The following GARIN6 variants were observed in gnomAD, a reference collection of about 807,000 sequenced individuals.
The protein encoded by GARIN6 is Golgi-associated RAB2 interactor protein 6.
the GARIN6 span, chr12:99,648,666 T>C: frequency 6.2e-7 from 1 of 1,614,190 alleles, no homozygotes; most frequent in South Asian, 1.1e-5. Flanking sequence ...ACCTTTTTGT[T>C]CACTGGGAAA....
At chr12:99,648,822 A>T in the GARIN6 span, 2 of 1,584,078 alleles carry the variant, frequency 1.3e-6, no homozygotes, top group East Asian at 2.3e-5. Flanking sequence ...TGGGGCCTGG[A>T]TGCTTTGGGG....
the GARIN6 span, chr12:99,648,394 G>A: frequency 7.4e-4 from 1,195 of 1,614,118 alleles, 8 homozygotes; most frequent in African/African-American, 5.1e-3. Context: ...AATGGGCATC[G>A]TTCGCACCAG....
chr12:99,648,611 G>A, the GARIN6 span: 20 of 1,614,048 alleles, frequency 1.2e-5, no homozygotes, highest in South Asian at 8.8e-5. Context: ...GCCACGGGCC[G>A]CTCTTTTTAT....
At chr12:99,648,288 T>C in the GARIN6 span, 13 of 1,614,066 alleles carry the variant, frequency 8.1e-6, no homozygotes, top group African/African-American at 2.7e-5. Context: ...GCGAGTATAC[T>C]ATATTCAGGT....
the GARIN6 span, chr12:99,648,404 G>GC: frequency 2.0e-4 from 326 of 1,614,186 alleles, 1 homozygote; most frequent in South Asian, 1.6e-3. Context: ...GTTCGCACCA[G>GC]CCCCTGCCTC....
the GARIN6 span, chr12:99,648,120 A>G: frequency 6.4e-7 from 1 of 1,565,016 alleles, no homozygotes; most frequent in East Asian, 2.3e-5. Flanking sequence ...CCGCTAAAGC[A>G]TGTTAAGGAA....
chr12:99,649,366 T>C, the GARIN6 span: 1 of 1,614,008 alleles, frequency 6.2e-7, no homozygotes, highest in South Asian at 1.1e-5. Context: ...AATGTTTGGG[T>C]CCACCTATTG....
the GARIN6 span, chr12:99,649,383 T>C: frequency 2.4e-5 from 38 of 1,611,600 alleles, no homozygotes; most frequent in Admixed American, 5.0e-5. Flanking sequence ...ATTGTGATTA[T>C]ACAATAGAGA....
At chr12:99,648,835 G>T in the GARIN6 span, 2 of 1,562,466 alleles carry the variant, frequency 1.3e-6, no homozygotes, top group South Asian at 2.4e-5. Flanking sequence ...CTTTGGGGGA[G>T]AGCAGGTACA....
chr12:99,648,722 C>G, the GARIN6 span: 1 of 1,613,934 alleles, frequency 6.2e-7, no homozygotes, highest in Non-Finnish European at 8.5e-7. Context: ...TACAGTGATA[C>G]CAGGGCTATC....
the GARIN6 span, chr12:99,648,782 G>GC: frequency 1.2e-6 from 2 of 1,609,724 alleles, no homozygotes; most frequent in Non-Finnish European, 1.7e-6. Context: ...GTGCAGAGGA[G>GC]CCCAGTGGTG....
the GARIN6 span, chr12:99,647,832 G>A: frequency 7.5e-5 from 21 of 280,822 alleles, no homozygotes; most frequent in South Asian, 1.4e-3. Context: ...AAAGGCTGTT[G>A]TGAAGTGGAA....
chr12:99,648,923 T>A, the GARIN6 span: 2 of 1,251,810 alleles, frequency 1.6e-6, no homozygotes, highest in Non-Finnish European at 2.2e-6. Flanking sequence ...CAAATGAGCT[T>A]CCATTTGGAG....
At chr12:99,648,357 C>A in the GARIN6 span, 16 of 1,614,072 alleles carry the variant, frequency 9.9e-6, no homozygotes, top group African/African-American at 1.3e-5. Flanking sequence ...AAGTGATTGA[C>A]GTGCACAACC....
At chr12:99,648,830 G>T in the GARIN6 span, 153 of 1,569,026 alleles carry the variant, frequency 9.8e-5, 1 homozygote, top group Admixed American at 1.5e-3. Context: ...GGATGCTTTG[G>T]GGGAGAGCAG....
chr12:99,649,369 A>G, the GARIN6 span: 1 of 1,614,128 alleles, frequency 6.2e-7, no homozygotes, highest in South Asian at 1.1e-5. Context: ...GTTTGGGTCC[A>G]CCTATTGTGA....
At chr12:99,649,634 A>G in the GARIN6 span, 1 of 468,776 alleles carries the variant, frequency 2.1e-6, no homozygotes, top group Admixed American at 3.7e-5. Context: ...CATGGCTATT[A>G]GTGGGTGCTT....
At chr12:99,649,311 A>C in the GARIN6 span, 2 of 1,614,152 alleles carry the variant, frequency 1.2e-6, no homozygotes, top group Admixed American at 1.7e-5. Context: ...AGTTTTGTGA[A>C]GAGAAGGAGC....
chr12:99,648,562 A>G, the GARIN6 span: 302 of 1,614,126 alleles, frequency 1.9e-4, 3 homozygotes, highest in South Asian at 3.1e-3. Flanking sequence ...GAAAATAACC[A>G]TCCACAACAG....
Sources: gnomAD v4.1 joint callset for allele counts on GRCh38, gnomAD v4.1.1 for gene constraint, MANE v1.5 for transcripts, NCBI Gene and HGNC (gene_info 2026-07-23, HGNC 2026-07-21) for gene names.